Variants in TTC28 observed in about 807,000 individuals in gnomAD.
The protein encoded by TTC28 is tetratricopeptide repeat protein 28.
Under a neutral mutation model 198.0 loss-of-function variants are expected in TTC28, and 61 were observed. That is an observed-to-expected ratio of 0.31 (90% CI 0.25 to 0.38). The LOEUF is 0.38. Among genes scored for constraint, TTC28 ranks in the 10% least tolerant of loss-of-function variants. The pLI is 1.00. For synonymous variants in TTC28, 1,171 were observed against 1,297.8 expected (o/e 0.90, Z 2.10); for missense variants, 2,678 against 3,164.0 (o/e 0.85, Z 3.69).
At chr22:28,247,597 C>T (rs1441430874) in intron 5 of TTC28, among the ~76,000 whole-genome samples, 1 of 152,152 alleles carries the variant, frequency 6.6e-6, no homozygotes, top group Non-Finnish European at 1.5e-5. Flanking sequence ...ATTCTCTGAG[C>T]ACACAGAGGA....
At chr22:28,494,629 T>C (rs1195791733) in intron 2 of TTC28, among the ~76,000 whole-genome samples, 1 of 152,208 alleles carries the variant, frequency 6.6e-6, no homozygotes, top group Non-Finnish European at 1.5e-5. Context: ...TGAAGCCCTG[T>C]ACTGATTGCA....
chr22:28,310,800 G>C (rs1484339353), intron 2 of TTC28, among the ~76,000 whole-genome samples: 1 of 94,702 alleles, frequency 1.1e-5, no homozygotes, highest in Admixed American at 1.1e-4. Context: ...TTTTTTTTTT[G>C]AGACAGAGTC....
At chr22:28,351,800 A>G (rs1191186107) in intron 2 of TTC28, among the ~76,000 whole-genome samples, 1 of 152,226 alleles carries the variant, frequency 6.6e-6, no homozygotes, top group Non-Finnish European at 1.5e-5. Context: ...TGCTTTAAAG[A>G]TAAGGAGGAG....
At chr22:28,060,088 T>G (rs1295708930) in intron 12 of TTC28, among the ~76,000 whole-genome samples, 1 of 152,138 alleles carries the variant, frequency 6.6e-6, no homozygotes. Context: ...AACTTTTTTT[T>G]TTAAAAAGAT....
At chr22:28,288,053 G>A (rs1036020940) in intron 5 of TTC28, among the ~76,000 whole-genome samples, 7 of 152,032 alleles carry the variant, frequency 4.6e-5, no homozygotes, top group African/African-American at 1.7e-4. Flanking sequence ...ATATTCATAT[G>A]ACTAATTTAA....
At chr22:28,334,302 C>T (rs2045669375) in intron 2 of TTC28, among the ~76,000 whole-genome samples, 1 of 152,032 alleles carries the variant, frequency 6.6e-6, no homozygotes, top group Admixed American at 6.6e-5. Flanking sequence ...AATAGTGCCA[C>T]AATAAACATA....
chr22:28,276,177 A>G (rs1175635554), intron 5 of TTC28, among the ~76,000 whole-genome samples: 1 of 151,480 alleles, frequency 6.6e-6, no homozygotes, highest in Non-Finnish European at 1.5e-5. Flanking sequence ...ACGCCTGGCT[A>G]ATTTTGTGTA....
chr22:28,258,106 C>T (rs774652816), intron 5 of TTC28, among the ~76,000 whole-genome samples: 1 of 152,014 alleles, frequency 6.6e-6, no homozygotes, highest in African/African-American at 2.4e-5. Context: ...AGTTGGGATA[C>T]TGAAGTGGTG....
intron 12 of TTC28, among the ~76,000 whole-genome samples, chr22:28,047,894 G>A (rs954933692): frequency 1.3e-5 from 2 of 152,146 alleles, no homozygotes; most frequent in African/African-American, 4.8e-5. Context: ...CATATTGCTG[G>A]TAGGCATGAA....
chr22:28,105,465 C>T lies in TTC28; in HGVS notation c.3121G>A (p.Gly1041Arg). ...GATTCATAAGTCAGGCCCAGGTTCCCATAGGCTCGGCCCTGGCACGTGGGG... is the reference window on the plus strand; with the variant it reads ...GATTCATAAGTCAGGCCCAGGTTCCTATAGGCTCGGCCCTGGCACGTGGGG... Reference protein sequence around the residue: ...NNPTCQGRAYGNLGLTYESLG... With the variant: ...NNPTCQGRAYRNLGLTYESLG... Residue 1041 changes from glycine (G) to arginine (R), a missense_variant, in exon 8 of 23, where the codon GGG becomes AGG. Transcript: ENST00000397906. 1 of 1,551,658 alleles carries T rather than the reference C, an allele frequency of 6.4e-7. No individual in the cohort carries two copies. Among genetic ancestry groups the T allele is most frequent in the South Asian group, 1.2e-5 (1 of 84,058 alleles).
chr22:28,569,545 C>T (rs1317680484), intron 2 of TTC28, among the ~76,000 whole-genome samples: 1 of 151,780 alleles, frequency 6.6e-6, no homozygotes, highest in East Asian at 1.9e-4. Context: ...ACACCAAATA[C>T]AAAAATCAAC....
At chr22:28,035,250 C>T (rs1939292898) in intron 12 of TTC28, among the ~76,000 whole-genome samples, 1 of 152,142 alleles carries the variant, frequency 6.6e-6, no homozygotes, top group South Asian at 2.1e-4. Context: ...CCAATTGCAA[C>T]CCTGAAGCTG....
At chr22:28,620,349 C>CAAA (rs34680067) in intron 2 of TTC28, among the ~76,000 whole-genome samples, 7 of 142,596 alleles carry the variant, frequency 4.9e-5, no homozygotes, top group Non-Finnish European at 6.1e-5. Context: ...ATCTCTGTCT[C>CAAA]AAAAAAAAAA....
At chr22:28,460,513 T>C (rs1427881874) in intron 2 of TTC28, among the ~76,000 whole-genome samples, 1 of 152,020 alleles carries the variant, frequency 6.6e-6, no homozygotes, top group East Asian at 1.9e-4. Context: ...CAAAAGAATA[T>C]CTAGGACATC....
intron 1 of TTC28, among the ~76,000 whole-genome samples, chr22:28,677,175 A>AATATATATATAT (rs143954002): frequency 1.4e-5 from 1 of 69,484 alleles, no homozygotes; most frequent in Non-Finnish European, 2.5e-5. Flanking sequence ...AAAAAAAAAA[A>AATATATATATAT]ATATATATAT....
intron 2 of TTC28, among the ~76,000 whole-genome samples, chr22:28,564,902 T>A (rs1238356242): frequency 6.8e-6 from 1 of 147,900 alleles, no homozygotes; most frequent in Admixed American, 6.8e-5. Context: ...TAAATTTATA[T>A]GTAATTTATA....
intron 1 of TTC28, among the ~76,000 whole-genome samples, chr22:28,646,200 G>A (rs933878765): frequency 5.9e-5 from 9 of 152,146 alleles, no homozygotes; most frequent in African/African-American, 1.9e-4. Context: ...TCCTAGATTT[G>A]ATAGGGTTTC....
At chr22:28,074,667 GACAGGCTCATGACATTTTTCCCCACATCA>G (rs1322133283) in intron 12 of TTC28, among the ~76,000 whole-genome samples, 1 of 152,176 alleles carries the variant, frequency 6.6e-6, no homozygotes, top group Admixed American at 6.5e-5. Context: ...CTTGCCCAGT[GACAGGCTCATGACATTTTTCCCCACATCA>G]ATGTGGTCTG....
intron 2 of TTC28, among the ~76,000 whole-genome samples, chr22:28,538,933 G>C (rs542587793): frequency 8.9e-4 from 136 of 152,254 alleles, no homozygotes; most frequent in Non-Finnish European, 1.4e-3. Flanking sequence ...AAGAACTTGT[G>C]TGAACTTTTT....
Sources: allele counts gnomAD v4.1 joint callset (sites outside exome capture counted in the v4.1 genomes callset), GRCh38; gene constraint gnomAD v4.1.1; transcripts MANE v1.5; gene names NCBI Gene and HGNC (gene_info 2026-07-23, HGNC 2026-07-21).